C5: variants seen among roughly 807,000 people sequenced by gnomAD.
C5 encodes the protein complement C5.
A neutral mutation model predicts 218.8 loss-of-function variants in C5; 140 were observed. The observed-to-expected ratio is 0.64, with a 90% CI of 0.56 to 0.74. The LOEUF is 0.74. C5 is among the 30% of genes least tolerant of loss of function. C5 has a pLI of 0.00. For synonymous variants in C5, 614 were observed against 682.3 expected, an observed-to-expected ratio of 0.90 and a Z score of 1.56; for missense variants, 1,700 against 1,969.6, an observed-to-expected ratio of 0.86 and a Z score of 2.59.
intron 22 of C5, among the ~76,000 whole-genome samples, chr9:120,994,141 C>G (rs999628079): frequency 6.6e-6 from 1 of 152,140 alleles, no homozygotes; most frequent in South Asian, 2.1e-4. Context: ...ATTTTAATTA[C>G]TATATACTGT....
chr9:121,066,979 T>C, the C5 span, among the ~76,000 whole-genome samples: 5 of 151,570 alleles, frequency 3.3e-5, no homozygotes, highest in African/African-American at 9.7e-5. Flanking sequence ...AAAATGAAAA[T>C]TCCTGGCTGG....
chr9:121,022,311 A>G (rs924311515), intron 10 of C5, among the ~76,000 whole-genome samples: 1 of 151,398 alleles, frequency 6.6e-6, no homozygotes, highest in Non-Finnish European at 1.5e-5. Context: ...ATATATATAT[A>G]TATACACACA....
At chr9:121,032,478 T>C (rs41258024) in intron 5 of C5, among the ~76,000 whole-genome samples, 5,939 of 152,310 alleles carry the variant, frequency 0.039, 197 homozygotes, top group Non-Finnish European at 0.064. Flanking sequence ...GAAGAACTTA[T>C]TATTTCTGAG....
At chr9:121,031,550 G>A (rs1413892925) in intron 6 of C5, among the ~76,000 whole-genome samples, 1 of 152,030 alleles carries the variant, frequency 6.6e-6, no homozygotes, top group Non-Finnish European at 1.5e-5. Flanking sequence ...ATCTCTTCCA[G>A]CTCTCTGATG....
chr9:121,014,030 G>A lies in C5; in HGVS notation c.2100C>T (p.Tyr700=), dbSNP rs779822675. ...YKHSVVKKCC[Y]DGACVNNDET... is the part of the protein sequence containing the mutation. ...CATCATTATTAACGCAGGCTCCATC[G>A]TAACAACATTTCTTCACTACTGAAT... The change falls in exon 17 of 41, where the codon TAC becomes TAT. Residue 700 remains tyrosine (Y), a synonymous_variant. Transcript: ENST00000223642. 1.6e-5 allele frequency: 26 copies of A among 1,613,974 alleles called. No homozygotes were observed. In the Admixed American group the frequency reaches 1.7e-4, roughly 10 times the overall value.
rs1290836419 is a variant in C5 at position 120,957,336 on chromosome 9, C to T, written c.4711G>A (p.Glu1571Lys). 8 of 1,613,148 alleles carry T rather than the reference C, an allele frequency of 5.0e-6. No individual in the cohort carries two copies. Among genetic ancestry groups the T allele is most frequent in the Middle Eastern group, 1.7e-4 (1 of 6,052 alleles). Reference sequence around the variant, plus strand: ...GCCTTGTACTTGACAAAAACATTTTCTACAGTGATGGATGTGATGCTAACT... The same window carrying T: ...GCCTTGTACTTGACAAAAACATTTTTTACAGTGATGGATGTGATGCTAACT... ...YKVSITSITVENVFVKYKATL... is the reference protein window; with the variant it reads ...YKVSITSITVKNVFVKYKATL... The change falls in exon 39 of 41, where the codon GAA becomes AAA. Residue 1571 changes from glutamate (E) to lysine (K), a missense_variant. Coordinates refer to ENST00000223642, the MANE Select transcript of C5 (RefSeq NM_001735.3).
Position 121,037,956 on chromosome 9 carries a change from A to G in C5, c.422-5T>C, listed in dbSNP as rs759971900. ...ACGAATAAACTCTAACTTTTACTGT[A>G]AGAATAATTGATATAATCAAAAACT... On this transcript the variant is annotated splice_polypyrimidine_tract_variant and splice_region_variant and intron_variant, in intron 3 of 40. Transcript: ENST00000223642. 7.1e-7 allele frequency: 1 copy of G among 1,404,196 alleles called. No individual in the cohort carries two copies. Among genetic ancestry groups the G allele is most frequent in the Non-Finnish European group, 9.9e-7 (1 of 1,008,616 alleles). The allele number at this position is 1,404,196 out of a possible 1,614,324, so 87.0% of individuals were successfully genotyped here. A position where few individuals can be genotyped will look rare whatever the true frequency, so the allele number is the denominator to read the frequency against.
At chr9:121,062,861 T>A in the C5 span, among the ~76,000 whole-genome samples, 1 of 152,210 alleles carries the variant, frequency 6.6e-6, no homozygotes, top group Non-Finnish European at 1.5e-5. Context: ...TCCTTTGTAC[T>A]ATCATGTGTT....
At chr9:120,990,306 C>T (rs1345013811) in intron 23 of C5, among the ~76,000 whole-genome samples, 3 of 152,124 alleles carry the variant, frequency 2.0e-5, no homozygotes, top group Non-Finnish European at 4.4e-5. Flanking sequence ...TTCTATCATT[C>T]GGTAATATGT....
At chr9:121,033,081 C>T (rs1372320525) in intron 5 of C5, among the ~76,000 whole-genome samples, 1 of 151,834 alleles carries the variant, frequency 6.6e-6, no homozygotes, top group African/African-American at 2.4e-5. Context: ...TATATACACA[C>T]ACACACACAT....
chr9:121,019,380 G>A (rs1251568735), intron 12 of C5, among the ~76,000 whole-genome samples: 1 of 152,184 alleles, frequency 6.6e-6, no homozygotes, highest in African/African-American at 2.4e-5. Flanking sequence ...TTTGGTGATT[G>A]TCAGGAAGCT....
At chr9:120,976,932 A>G (rs150552024) in intron 28 of C5, 27 bp from the exon 29 acceptor site, 2 of 1,567,490 alleles carry the variant, frequency 1.3e-6, no homozygotes, top group East Asian at 4.5e-5. Flanking sequence ...TCCATTCATT[A>G]ATATGATTAA....
Position 121,020,201 on chromosome 9 carries a change from A to C in C5, c.1303-22T>G, listed in dbSNP as rs772364595. 2.6e-6 allele frequency: 4 copies of C among 1,510,886 alleles called. No individual in the cohort carries two copies. In the South Asian group the frequency reaches 4.5e-5, roughly 17 times the overall value. The allele number at this position is 1,510,886 out of a possible 1,614,324, so 93.6% of individuals were successfully genotyped here. On this transcript the variant is annotated intron_variant, in intron 11 of 40. Transcript: ENST00000223642. ...TGACCTGAAAAGAGAAATTTCAAAA[A>C]GACATGTATACTGTGATGTAATGCT... is the stretch of plus-strand genomic sequence containing the variant.
At chr9:120,965,370 A>C (rs2046859430) in intron 33 of C5, among the ~76,000 whole-genome samples, 1 of 151,860 alleles carries the variant, frequency 6.6e-6, no homozygotes, top group Non-Finnish European at 1.5e-5. Flanking sequence ...AAATACAAAA[A>C]TTAGCTGGCT....
chr9:120,999,669 C>A, intron 20 of C5: 1 of 232,976 alleles, frequency 4.3e-6, no homozygotes, highest in Non-Finnish European at 8.6e-6. Context: ...TAATAGAATC[C>A]AGAGTCTTTA....
intron 17 of C5, among the ~76,000 whole-genome samples, chr9:121,012,572 C>T (rs927244759): frequency 6.6e-6 from 1 of 152,158 alleles, no homozygotes; most frequent in African/African-American, 2.4e-5. Context: ...GAATCTTAGA[C>T]ACTGTACATC....
intron 2 of C5, among the ~76,000 whole-genome samples, chr9:121,044,749 G>A (rs1246099353): frequency 1.3e-5 from 2 of 152,114 alleles, no homozygotes; most frequent in Admixed American, 6.6e-5. Flanking sequence ...TTTCTGTGAT[G>A]ACAGAAATAT....
chr9:121,055,253 A>G (rs1341190941), upstream of C5, among the ~76,000 whole-genome samples: 1 of 152,152 alleles, frequency 6.6e-6, no homozygotes, highest in African/African-American at 2.4e-5. Context: ...GACTGTTCCC[A>G]AGACCATGAT....
intron 5 of C5, among the ~76,000 whole-genome samples, chr9:121,032,947 G>A (rs1330036917): frequency 6.6e-6 from 1 of 152,056 alleles, no homozygotes; most frequent in Non-Finnish European, 1.5e-5. Context: ...GCTGTGGTGA[G>A]CTGAGATCAC....
Sources: gnomAD v4.1 joint callset for allele counts (sites outside exome capture counted in the v4.1 genomes callset) on GRCh38, gnomAD v4.1.1 for gene constraint, MANE v1.5 for transcripts, NCBI Gene and HGNC (gene_info 2026-07-23, HGNC 2026-07-21) for gene names.